Variants in AXIN1 observed in about 807,000 individuals in gnomAD.
AXIN1 encodes the protein axin 1.
A neutral mutation model predicts 76.4 loss-of-function variants in AXIN1; 30 were observed. That is an observed-to-expected ratio of 0.39 (90% CI 0.29 to 0.53). The LOEUF is 0.53. Ranked by LOEUF, AXIN1 falls within the 20% of genes least tolerant of loss-of-function variation. AXIN1 has a pLI of 0.66. For missense variants in AXIN1, 1,140 were observed against 1,198.8 expected (o/e 0.95, Z 0.72); for synonymous variants, 545 against 501.4 (o/e 1.09, Z -1.16).
rs1398908989 is a variant in AXIN1, at chr16:293,499, G to C, written c.2175C>G (p.Pro725=). The C allele has an allele frequency of 3.7e-6, 6 of 1,609,388 alleles. No homozygotes were observed. Among genetic ancestry groups the C allele is most frequent in the Non-Finnish European group, 5.1e-6 (6 of 1,179,950 alleles). ...EEEEKRASRA[P]SKQRYVQEVM... Reference sequence around the variant, plus strand: ...CGACGCGGCCGTACCTCTGCTTGGAGGGTGCTCGGCTGGCTCTCTTTTCTT... The same window carrying C: ...CGACGCGGCCGTACCTCTGCTTGGACGGTGCTCGGCTGGCTCTCTTTTCTT... The change falls in exon 8 of 11, where the codon CCC becomes CCG. Residue 725 remains proline (P), a synonymous_variant. Transcript: ENST00000262320. This position sits in a 1 kb window ranked among gnomAD's most constrained non-coding sequence, Gnocchi z 4.6.
At chr16:339,138 G>C (rs898150910) in intron 2 of AXIN1, among the ~76,000 whole-genome samples, 2 of 149,340 alleles carry the variant, frequency 1.3e-5, no homozygotes, top group African/African-American at 4.9e-5. Flanking sequence ...TGCACTTTGG[G>C]AGGCCGAGAC....
chr16:352,223 T>C (rs2054160870), intron 1 of AXIN1, 146 bp downstream of exon 1: 1 of 415,430 alleles, frequency 2.4e-6, no homozygotes, highest in African/African-American at 2.2e-5. Context: ...CCAGTCCCGC[T>C]GCCCAGGGAC....
Position 329,994 on chromosome 16 carries a change from C to G in AXIN1, c.879-15311G>C, listed in dbSNP as rs138298895. Among the ~76,000 whole-genome samples the G allele has an allele frequency of 3.9e-3, 597 of 151,892 alleles. 5 individuals are homozygous for G. Among genetic ancestry groups the G allele is most frequent in the African/African-American group, 0.014 (560 of 41,424 alleles). ...TGTTGGTCAGGCTGGTCTCAAACTCCTGACCTCGTGATCCTCCCGCCTCGA... is the reference window on the plus strand; with the variant it reads ...TGTTGGTCAGGCTGGTCTCAAACTCGTGACCTCGTGATCCTCCCGCCTCGA... On this transcript the variant is annotated intron_variant, in intron 2 of 10. Transcript: ENST00000262320.
At chr16:323,058 T>C (rs2053493233) in intron 2 of AXIN1, among the ~76,000 whole-genome samples, 1 of 151,226 alleles carries the variant, frequency 6.6e-6, no homozygotes, top group South Asian at 2.1e-4. Flanking sequence ...GAGACTGAGG[T>C]AGGAGAGCTG....
At chr16:331,662 T>C (rs1421103283) in intron 2 of AXIN1, among the ~76,000 whole-genome samples, 1 of 152,222 alleles carries the variant, frequency 6.6e-6, no homozygotes, top group Non-Finnish European at 1.5e-5. Flanking sequence ...AAAAACTGCC[T>C]GGACTGCTTT....
At chr16:340,159 G>A (rs952602113) in intron 2 of AXIN1, among the ~76,000 whole-genome samples, 1 of 152,036 alleles carries the variant, frequency 6.6e-6, no homozygotes, top group Non-Finnish European at 1.5e-5. Flanking sequence ...GCGGGAACCT[G>A]AACGGCAAGG....
intron 5 of AXIN1, 104 bp downstream of exon 5, chr16:304,200 C>T (rs899530338): frequency 1.1e-4 from 172 of 1,584,208 alleles, no homozygotes; most frequent in Non-Finnish European, 1.2e-4. Flanking sequence ...GTCAGCAGGC[C>T]TCGGCCAGCC....
intron 2 of AXIN1, among the ~76,000 whole-genome samples, chr16:324,353 C>A (rs538889101): frequency 6.6e-6 from 1 of 152,168 alleles, no homozygotes; most frequent in Non-Finnish European, 1.5e-5. Flanking sequence ...GGCCGGAATG[C>A]GGGTGCATAG....
rs745460209 is a variant in AXIN1 at position 304,224 on chromosome 16, T to A, written c.1254+80A>T. Reference sequence around the variant, plus strand: ...CCTCGGCCAGCCCCGGGCATCCCCATGAAGAACATCAGGACATCCCGGCGG... The same window carrying A: ...CCTCGGCCAGCCCCGGGCATCCCCAAGAAGAACATCAGGACATCCCGGCGG... On this transcript the variant is annotated intron_variant, in intron 5 of 10. Coordinates refer to ENST00000262320, the MANE Select transcript of AXIN1 (RefSeq NM_003502.4). The A allele has an allele frequency of 4.4e-6, 7 of 1,596,156 alleles. No homozygotes were observed. In the East Asian group the frequency reaches 1.6e-4, roughly 36 times the overall value.
In AXIN1 at chr16:295,631, T is replaced by C. The variant is rs184403939; in HGVS notation, c.1955+1425A>G. Among the ~76,000 whole-genome samples the C allele has an allele frequency of 3.8e-4, 58 of 152,202 alleles. 1 individual carries two copies. The East Asian group carries it at 8.9e-3, about 23-fold the overall frequency. On this transcript the variant is annotated intron_variant, in intron 7 of 10. Transcript: ENST00000262320. The stretch of plus-strand genomic sequence containing the variant: ...GAATGTATTAATACTTATCCTAAAA[T>C]ATGGGACATGCAATATTTAGTATAT...
intron 1 of AXIN1, among the ~76,000 whole-genome samples, chr16:350,906 C>T (rs528231840): frequency 6.6e-6 from 1 of 152,020 alleles, no homozygotes; most frequent in African/African-American, 2.4e-5. Context: ...CCGAGGTGGG[C>T]GGATCACCTG....
intron 2 of AXIN1, among the ~76,000 whole-genome samples, chr16:341,523 G>A (rs1372373938): frequency 6.6e-6 from 1 of 152,250 alleles, no homozygotes; most frequent in Admixed American, 6.5e-5. Flanking sequence ...GGGAGCTGCA[G>A]CCCGCCATGC....
chr16:293,603 G>A lies in AXIN1; in HGVS notation c.2071C>T (p.Gln691Ter), dbSNP rs2052628500. Residue 691 changes from glutamine to a stop codon, truncating the protein, a stop_gained, in exon 8 of 11, where the codon CAA (glutamine) becomes TAA (stop). Coordinates refer to ENST00000262320, the MANE Select transcript of AXIN1 (RefSeq NM_003502.4). LOFTEE classifies it high-confidence loss of function. The surrounding 1 kb of genome is among the most constrained non-coding windows in gnomAD (Gnocchi z 4.6). ...GGGTGGGGTGGCATGGTGGGGTCTT[G>A]GATGAAGAGGTGGGAGGGCTGCACG... ...TSVQPSHLFIQDPTMPPHPAP... is the reference protein window; with the variant it reads ...TSVQPSHLFI 1 of 1,613,244 alleles carries A rather than the reference G, an allele frequency of 6.2e-7. No homozygotes were observed. Among genetic ancestry groups the A allele is most frequent in the Non-Finnish European group, 8.5e-7 (1 of 1,179,964 alleles).
chr16:321,842 CCAGA>C (rs2053466104), intron 2 of AXIN1, among the ~76,000 whole-genome samples: 1 of 152,232 alleles, frequency 6.6e-6, no homozygotes, highest in Admixed American at 6.5e-5. Flanking sequence ...AAAGTGTTAT[CCAGA>C]CACAGCCTTG....
At chr16:322,603 C>CA (rs1364767964) in intron 2 of AXIN1, among the ~76,000 whole-genome samples, 1 of 152,182 alleles carries the variant, frequency 6.6e-6, no homozygotes, top group East Asian at 1.9e-4. Flanking sequence ...GCAAAGAGTC[C>CA]ATGCAGACTC....
At chr16:304,228 G>C (rs2141543965) in intron 5 of AXIN1, 76 bp downstream of exon 5, 5 of 1,597,188 alleles carry the variant, frequency 3.1e-6, no homozygotes, top group African/African-American at 1.3e-5. Flanking sequence ...TCCCCATGAA[G>C]AACATCAGGA....
intron 5 of AXIN1, among the ~76,000 whole-genome samples, chr16:302,881 CA>C (rs2141538009): frequency 6.6e-6 from 1 of 152,290 alleles, no homozygotes; most frequent in African/African-American, 2.4e-5. Flanking sequence ...AAGAGAAAAG[CA>C]AAGGCATTTT....
chr16:300,589 C>T (rs1166387926), intron 5 of AXIN1, among the ~76,000 whole-genome samples: 1 of 152,174 alleles, frequency 6.6e-6, no homozygotes, highest in Non-Finnish European at 1.5e-5. Flanking sequence ...CTGGAACAGG[C>T]GTGCCCCAGA....
At chr16:303,327 G>C (rs983639714) in intron 5 of AXIN1, among the ~76,000 whole-genome samples, 1 of 152,152 alleles carries the variant, frequency 6.6e-6, no homozygotes, top group East Asian at 1.9e-4. Flanking sequence ...GTGGAACCTG[G>C]GATTCAATCT....
Sources: gnomAD v4.1 joint callset for allele counts (sites outside exome capture counted in the v4.1 genomes callset) on GRCh38, gnomAD v4.1.1 for gene constraint, Gnocchi (gnomAD v3.1) non-coding constraint, MANE v1.5 for transcripts, NCBI Gene and HGNC (gene_info 2026-07-23, HGNC 2026-07-21) for gene names.